ABCF3: variants seen among roughly 807,000 people sequenced by gnomAD.
ABCF3 encodes the protein ATP binding cassette subfamily F member 3, also known as ATP-binding cassette sub-family F member 3.
ABCF3 carries 62 observed loss-of-function variants against 94.3 expected under a neutral mutation model. The ratio of observed to expected loss-of-function variants is 0.66; its 90% CI spans 0.54 to 0.81. The LOEUF is 0.81. ABCF3 is among the 40% of genes least tolerant of loss of function. The pLI is 0.00. For synonymous variants in ABCF3, 355 were observed against 361.1 expected, an observed-to-expected ratio of 0.98 and a Z score of 0.19; for missense variants, 843 against 925.3, an observed-to-expected ratio of 0.91 and a Z score of 1.15.
chr3:184,187,390 C>A lies in ABCF3; in HGVS notation c.302-7C>A, dbSNP rs1715706576. Reference sequence around the variant, plus strand: ...GAGAAGGTGACTGCTTTTCTTATCGCTTACAGACTGTGGAACCAAACTTCC... The same window carrying A: ...GAGAAGGTGACTGCTTTTCTTATCGATTACAGACTGTGGAACCAAACTTCC... On this transcript the variant is annotated splice_region_variant and splice_polypyrimidine_tract_variant and intron_variant, in intron 3 of 20. Transcript: ENST00000429586. 6.2e-7 allele frequency: 1 copy of A among 1,613,820 alleles called. No individual in the cohort carries two copies. Among genetic ancestry groups the A allele is most frequent in the African/African-American group, 1.3e-5 (1 of 74,904 alleles).
intron 16 of ABCF3, among the ~76,000 whole-genome samples, chr3:184,192,276 A>T (rs1434016718): frequency 1.3e-5 from 2 of 152,194 alleles, no homozygotes; most frequent in African/African-American, 4.8e-5. Context: ...TTATCACTTT[A>T]TGTTGGGAAC....
chr3:184,190,298 T>C (rs77099265), intron 14 of ABCF3: 9,458 of 288,814 alleles, frequency 0.033, 513 homozygotes, highest in African/African-American at 0.14. Context: ...CTGGATAATA[T>C]TCTGTTGTGT....
intron 4 of ABCF3, 104 bp from the exon 5 acceptor site, chr3:184,187,560 T>C: frequency 6.5e-7 from 1 of 1,538,146 alleles, no homozygotes; most frequent in Non-Finnish European, 9.0e-7. Flanking sequence ...CCTTTGAGTC[T>C]GTTCATCATG....
rs963610341 is a variant in ABCF3, at chr3:184,193,852, C to T, written c.*154C>T. On this transcript the variant is annotated 3_prime_UTR_variant, in exon 21 of 21. Transcript: ENST00000429586. The surrounding 1 kb of genome is among the most constrained non-coding windows in gnomAD (Gnocchi z 5.2). ...ATCCTTTTGACTGGAGCATCTTCTG[C>T]ACAACCTTGGGAGCCCATCCAAGGG... 10 of 1,040,598 alleles carry T rather than the reference C, an allele frequency of 9.6e-6. No individual in the cohort carries two copies. Among genetic ancestry groups the T allele is most frequent in the Non-Finnish European group, 1.4e-5 (10 of 739,448 alleles). The allele number at this position is 1,040,598 out of a possible 1,614,324, so 64.5% of individuals were successfully genotyped here.
At chr3:184,187,826 G>A (rs1247115812) in intron 5 of ABCF3, 35 bp from the exon 6 acceptor site, 2 of 1,613,950 alleles carry the variant, frequency 1.2e-6, no homozygotes, top group Non-Finnish European at 1.7e-6. Context: ...AAGGTGGTGG[G>A]GAGCACTAAG....
chr3:184,187,569 T>C, intron 4 of ABCF3, 95 bp from the exon 5 acceptor site: 1 of 1,545,062 alleles, frequency 6.5e-7, no homozygotes, highest in Non-Finnish European at 8.9e-7. Flanking sequence ...CTGTTCATCA[T>C]GGGTAAGTTA....
rs752200302 is a variant in ABCF3 at position 184,188,985 on chromosome 3, C to G, written c.974C>G (p.Thr325Ser). 1.3e-5 allele frequency: 21 copies of G among 1,614,258 alleles called. No homozygotes were observed. In the South Asian group the frequency reaches 2.3e-4, roughly 18 times the overall value. Residue 325 changes from threonine to serine, a missense_variant, in exon 9 of 21, where the codon ACC becomes AGC. By Grantham distance (58) the Thr-to-Ser change is moderately conservative. Coordinates refer to ENST00000429586, the MANE Select transcript of ABCF3 (RefSeq NM_018358.3). ...ACCCCTAAAATGCAGCAGCAGCCCA[C>G]CCGGTGAGTGACCCTTGCCATTCTT... ...GFTPKMQQQPTREFSGGWRMR... is the reference protein window; with the variant it reads ...GFTPKMQQQPSREFSGGWRMR...
At chr3:184,192,999 G>A (rs766311080) in intron 18 of ABCF3, 103 bp downstream of exon 18, 41 of 1,560,286 alleles carry the variant, frequency 2.6e-5, no homozygotes, top group African/African-American at 1.5e-4. Context: ...GAGCAGCCCC[G>A]CCAAGCCTAG....
Position 184,193,781 on chromosome 3 carries a change from G to A in ABCF3, c.*83G>A, listed in dbSNP as rs1283565577. On this transcript the variant is annotated 3_prime_UTR_variant, in exon 21 of 21. Coordinates refer to ENST00000429586, the MANE Select transcript of ABCF3 (RefSeq NM_018358.3). This position sits in a 1 kb window ranked among gnomAD's most constrained non-coding sequence, Gnocchi z 5.2. ...ACCATGTAGGCCACCACTCCAGGCC[G>A]TGGACTTCCCCCAACTTGGGGACAG... is the stretch of plus-strand genomic sequence containing the variant. 1.8e-5 allele frequency: 26 copies of A among 1,430,750 alleles called. No individual in the cohort carries two copies. The highest frequency in any genetic ancestry group is 5.0e-5 in the East Asian group (2 of 40,094). The allele number at this position is 1,430,750 out of a possible 1,614,324, so 88.6% of individuals were successfully genotyped here.
At chr3:184,190,202 C>T (rs1715932229) in intron 14 of ABCF3, 2 of 528,180 alleles carry the variant, frequency 3.8e-6, no homozygotes, top group Admixed American at 3.3e-5. Context: ...ACAATATGAC[C>T]TTTGTGCCTG....
At position 184,191,151 on chromosome 3, in the gene ABCF3, C is replaced by T. The variant is rs758271318; in HGVS notation, c.1465C>T (p.Pro489Ser). The T allele has an allele frequency of 6.2e-7, 1 of 1,614,204 alleles. No individual in the cohort carries two copies. Among genetic ancestry groups the T allele is most frequent in the South Asian group, 1.1e-5 (1 of 91,090 alleles). The change falls in exon 16 of 21, where the codon CCG becomes TCG. Residue 489 changes from proline to serine, a missense_variant. By Grantham distance (74) the Pro-to-Ser change is moderately conservative (BLOSUM62 -1). Coordinates refer to ENST00000429586, the MANE Select transcript of ABCF3 (RefSeq NM_018358.3). ...CCCTGATGGGTTTGAGAAGTTCTCG[C>T]CGCCAATTCTGCAGCTAGATGAGGT... ...KFPDGFEKFS[P>S]PILQLDEVDF...
chr3:184,189,545 G>C lies in ABCF3; in HGVS notation c.1114-12G>C, dbSNP rs758476005. On this transcript the variant is annotated splice_polypyrimidine_tract_variant and intron_variant, in intron 12 of 20. Transcript: ENST00000429586. ...CCTCCCAAACCGGGCCTGCTGTCCT[G>C]TGACCCCTCAGACGTGGCCCTCCAC... The C allele has an allele frequency of 5.2e-5, 84 of 1,613,978 alleles. 1 individual carries two copies. The Admixed American group carries it at 1.4e-3, about 27-fold the overall frequency.
chr3:184,186,590 G>A lies in ABCF3; in HGVS notation c.157G>A (p.Gly53Arg). The change falls in exon 2 of 21, where the codon GGG becomes AGG. Residue 53 changes from glycine to arginine, a missense_variant. Coordinates refer to ENST00000429586, the MANE Select transcript of ABCF3 (RefSeq NM_018358.3). ...AGGGGAACTATTGCAAGAGGTGTCC[G>A]GGGACAGCAAGGATGACGCGGGCAT... ...AVGELLQEVS[G>R]DSKDDAGIRA... The A allele has an allele frequency of 1.2e-6, 2 of 1,613,986 alleles. No individual in the cohort carries two copies. The highest frequency in any genetic ancestry group is 1.7e-6 in the Non-Finnish European group (2 of 1,179,926).
rs932434966 is a variant in ABCF3, at chr3:184,187,418, G to A, written c.323G>A (p.Gly108Glu). Residue 108 changes from glycine (G) to glutamate (E), a missense_variant, in exon 4 of 21, where the codon GGA becomes GAA. Gly to Glu is a moderately conservative substitution (Grantham distance 98, BLOSUM62 -2). Transcript: ENST00000429586. ...ACAGACTGTGGAACCAAACTTCCAG[G>A]ACTGCTAAAGAGGGAACAGTCCTCG... is the stretch of plus-strand genomic sequence containing the variant. Reference protein sequence around the residue: ...ENYDCGTKLPGLLKREQSSTV... With the variant: ...ENYDCGTKLPELLKREQSSTV... 15 of 1,613,628 alleles carry A rather than the reference G, an allele frequency of 9.3e-6. No individual in the cohort carries two copies. The highest frequency in any genetic ancestry group is 1.3e-5 in the Non-Finnish European group (15 of 1,180,038).
At position 184,186,429 on chromosome 3, in the gene ABCF3, G is replaced by A. The variant is rs1196628155; in HGVS notation, c.74-78G>A. ...TGGTTGGGTCTGGAGCCTGGACTGGGGCCTCTGTCTGGGGTCTGAAACTGC... is the reference window on the plus strand; with the variant it reads ...TGGTTGGGTCTGGAGCCTGGACTGGAGCCTCTGTCTGGGGTCTGAAACTGC... On this transcript the variant is annotated intron_variant, in intron 1 of 20. Coordinates refer to ENST00000429586, the MANE Select transcript of ABCF3 (RefSeq NM_018358.3). 2.5e-6 allele frequency: 4 copies of A among 1,580,830 alleles called. No homozygotes were observed. The African/African-American group carries it at 5.4e-5, about 21-fold the overall frequency.
Position 184,193,475 on chromosome 3 carries a change from C to A in ABCF3, c.1971+23C>A, listed in dbSNP as rs758929712. The A allele has an allele frequency of 6.2e-7, 1 of 1,614,112 alleles. No individual in the cohort carries two copies. The highest frequency in any genetic ancestry group is 8.5e-7 in the Non-Finnish European group (1 of 1,180,002). On this transcript the variant is annotated intron_variant, in intron 20 of 20. Coordinates refer to ENST00000429586, the MANE Select transcript of ABCF3 (RefSeq NM_018358.3). The surrounding 1 kb of genome is among the most constrained non-coding windows in gnomAD (Gnocchi z 5.2). The stretch of plus-strand genomic sequence containing the variant: ...AGGGTGAGTGTGCCTTCACCCTGAC[C>A]ACTCCTCCCAGGCCTCGGTGCCTCT...
chr3:184,191,770 C>T (rs1189442763), intron 16 of ABCF3, among the ~76,000 whole-genome samples: 1 of 70,596 alleles, frequency 1.4e-5, no homozygotes, highest in African/African-American at 7.2e-5. Context: ...TTTTCGGAGA[C>T]AGAGTCCTGC....
Position 184,188,805 on chromosome 3 carries a change from A to G in ABCF3, c.881A>G (p.Lys294Arg), listed in dbSNP as rs570723162. ...GCAGAGCTGGCAGAAATCTATGCCA[A>G]ACTGGAGGAGATTGAGGCTGACAAG... ...EAAELAEIYAKLEEIEADKAP... is the reference protein window; with the variant it reads ...EAAELAEIYARLEEIEADKAP... Residue 294 changes from lysine to arginine, a missense_variant, in exon 8 of 21, where the codon AAA (lysine) becomes AGA (arginine). Transcript: ENST00000429586. 10 of 1,613,994 alleles carry G rather than the reference A, an allele frequency of 6.2e-6. No individual in the cohort carries two copies. In the East Asian group the frequency reaches 2.0e-4, roughly 32 times the overall value.
rs1715851652 is a variant in ABCF3, at chr3:184,189,241, A to G, written c.1035-14A>G. 1 of 1,613,984 alleles carries G rather than the reference A, an allele frequency of 6.2e-7. No individual in the cohort carries two copies. Among genetic ancestry groups the G allele is most frequent in the Admixed American group, 1.7e-5 (1 of 59,982 alleles). On this transcript the variant is annotated splice_polypyrimidine_tract_variant and intron_variant, in intron 10 of 20. Coordinates refer to ENST00000429586, the MANE Select transcript of ABCF3 (RefSeq NM_018358.3). ...GCTGACCTAAAACCTCAGGCCATGT[A>G]TTGTTTTTCATAGGCCAGATCTTCT...
Sources: gnomAD v4.1 joint callset for allele counts (sites outside exome capture counted in the v4.1 genomes callset) on GRCh38, gnomAD v4.1.1 for gene constraint, Gnocchi (gnomAD v3.1) non-coding constraint, MANE v1.5 for transcripts, NCBI Gene and HGNC (gene_info 2026-07-23, HGNC 2026-07-21) for gene names.